PRKG1: variants seen among roughly 807,000 people sequenced by gnomAD.
The protein encoded by PRKG1 is cGMP-dependent protein kinase 1.
In PRKG1, 35 loss-of-function variants were observed where a neutral mutation model predicts 88.1. That is an observed-to-expected ratio of 0.40 (90% confidence interval 0.30 to 0.53). The LOEUF is 0.53. PRKG1 is among the 20% of genes least tolerant of loss of function. The pLI is 0.59. For missense variants in PRKG1, 540 were observed against 839.8 expected, an observed-to-expected ratio of 0.64 and a Z score of 4.41; for synonymous variants, 303 against 292.5, an observed-to-expected ratio of 1.04 and a Z score of -0.37.
At chr10:51,178,319 A>G (rs777130238) in intron 2 of PRKG1, among the ~76,000 whole-genome samples, 3 of 152,166 alleles carry the variant, frequency 2.0e-5, no homozygotes, top group Non-Finnish European at 4.4e-5. Flanking sequence ...ACAATTCTAT[A>G]ATATCCTCCA....
At chr10:51,262,965 T>C (rs1372037336) in intron 2 of PRKG1, among the ~76,000 whole-genome samples, 4 of 152,198 alleles carry the variant, frequency 2.6e-5, no homozygotes. Flanking sequence ...TCAGCCCACA[T>C]AAGAGTCCTT....
intron 5 of PRKG1, among the ~76,000 whole-genome samples, chr10:52,015,123 C>T (rs7093536): frequency 0.2 from 30,889 of 152,056 alleles, 3,288 homozygotes; most frequent in East Asian, 0.32. Context: ...GGGCTCCAGT[C>T]CTACATTTCC....
chr10:51,449,069 A>T (rs1839355974), intron 2 of PRKG1, among the ~76,000 whole-genome samples: 1 of 151,926 alleles, frequency 6.6e-6, no homozygotes. Context: ...ACCTCACCTA[A>T]TATAAATAGC....
chr10:51,309,605 GAGGATGCAGAGAAAAT>G (rs1303553727), intron 2 of PRKG1, among the ~76,000 whole-genome samples: 1 of 152,168 alleles, frequency 6.6e-6, no homozygotes, highest in Non-Finnish European at 1.5e-5. Context: ...GGATGTCGAT[GAGGATGCAGAGAAAAT>G]GGAACACTCA....
intron 5 of PRKG1, among the ~76,000 whole-genome samples, chr10:51,971,744 C>T (rs1020816697): frequency 6.6e-6 from 1 of 152,244 alleles, no homozygotes; most frequent in Admixed American, 6.5e-5. Context: ...CTAATGTACA[C>T]TTCATTTTAT....
chr10:51,173,432 G>T (rs201938443), intron 2 of PRKG1, among the ~76,000 whole-genome samples: 1 of 147,502 alleles, frequency 6.8e-6, no homozygotes, highest in Non-Finnish European at 1.5e-5. Context: ...GTGTGTATTT[G>T]TGTGTGTGTG....
chr10:51,870,228 T>C (rs1227150874), intron 4 of PRKG1, among the ~76,000 whole-genome samples: 1 of 152,166 alleles, frequency 6.6e-6, no homozygotes, highest in Non-Finnish European at 1.5e-5. Flanking sequence ...AATAAGGTGT[T>C]ATAGGTGCCC....
chr10:51,256,458 G>A (rs144321073), intron 2 of PRKG1, among the ~76,000 whole-genome samples: 22 of 152,182 alleles, frequency 1.4e-4, no homozygotes, highest in Admixed American at 3.3e-4. Context: ...CTGAGATAGC[G>A]TGGTAGAAAG....
intron 4 of PRKG1, among the ~76,000 whole-genome samples, chr10:51,843,682 A>G (rs1840334874): frequency 6.6e-6 from 1 of 152,048 alleles, no homozygotes; most frequent in East Asian, 1.9e-4. Context: ...GGGAATTCCA[A>G]CTCTAATTCT....
At chr10:51,126,603 A>G (rs1845429566) in intron 1 of PRKG1, among the ~76,000 whole-genome samples, 2 of 151,296 alleles carry the variant, frequency 1.3e-5, no homozygotes, top group African/African-American at 4.8e-5. Flanking sequence ...TCTTTACACA[A>G]TTAGAAAAAC....
At chr10:51,404,388 T>A (rs1033089757) in intron 2 of PRKG1, among the ~76,000 whole-genome samples, 1 of 152,218 alleles carries the variant, frequency 6.6e-6, no homozygotes, top group African/African-American at 2.4e-5. Flanking sequence ...ACAGGTTATA[T>A]GTTACAGAGG....
At chr10:51,948,999 A>T (rs954330242) in intron 5 of PRKG1, among the ~76,000 whole-genome samples, 3 of 152,156 alleles carry the variant, frequency 2.0e-5, no homozygotes, top group African/African-American at 7.2e-5. Flanking sequence ...CATAACAAAA[A>T]AGTTTTATGT....
intron 3 of PRKG1, chr10:51,699,216 C>A: frequency 4.3e-6 from 7 of 1,614,132 alleles, no homozygotes; most frequent in Non-Finnish European, 5.9e-6. Flanking sequence ...TAGGGTGAGT[C>A]AATAATGGGC....
intron 2 of PRKG1, among the ~76,000 whole-genome samples, chr10:51,288,805 T>C (rs1172533120): frequency 1.3e-5 from 2 of 152,224 alleles, no homozygotes; most frequent in Non-Finnish European, 2.9e-5. Context: ...TGTGTAGTTA[T>C]TCTGTACATC....
At chr10:51,441,018 G>A (rs1839090070) in intron 2 of PRKG1, among the ~76,000 whole-genome samples, 1 of 151,932 alleles carries the variant, frequency 6.6e-6, no homozygotes, top group South Asian at 2.1e-4. Context: ...ATAAACATGG[G>A]ACAAATGAAA....
At chr10:52,165,836 A>T (rs1490213909) in intron 9 of PRKG1, among the ~76,000 whole-genome samples, 1 of 152,228 alleles carries the variant, frequency 6.6e-6, no homozygotes, top group Non-Finnish European at 1.5e-5. Context: ...CACAAAATGT[A>T]CAGACCATCC....
At chr10:51,726,558 T>A (rs145948220) in intron 3 of PRKG1, among the ~76,000 whole-genome samples, 1,872 of 152,348 alleles carry the variant, frequency 0.012, 24 homozygotes, top group Non-Finnish European at 0.016. Context: ...TCTGTCACGA[T>A]ATTTCAGATG....
chr10:51,691,499 A>G (rs1841143100), intron 3 of PRKG1, among the ~76,000 whole-genome samples: 1 of 151,950 alleles, frequency 6.6e-6, no homozygotes, highest in Non-Finnish European at 1.5e-5. Flanking sequence ...TATACTTTAT[A>G]GAGACAGGGT....
intron 4 of PRKG1, among the ~76,000 whole-genome samples, chr10:51,816,537 A>ATATG (rs1554844359): frequency 6.9e-6 from 1 of 145,938 alleles, no homozygotes; most frequent in South Asian, 2.2e-4. Flanking sequence ...TAATTTTGGC[A>ATATG]TGTGTGTGTG....
Sources: gnomAD v4.1 joint callset for allele counts (sites outside exome capture counted in the v4.1 genomes callset) on GRCh38, gnomAD v4.1.1 for gene constraint, MANE v1.5 for transcripts, NCBI Gene and HGNC (gene_info 2026-07-23, HGNC 2026-07-21) for gene names.